Variants in SLC26A5 observed in about 807,000 individuals in gnomAD.
SLC26A5 encodes the protein solute carrier family 26 member 5, also known as prestin.
A neutral mutation model predicts 81.0 loss-of-function variants in SLC26A5; 51 were observed. That is an observed-to-expected ratio of 0.63 (90% CI 0.50 to 0.80). The LOEUF is 0.80. Ranked by LOEUF, SLC26A5 falls within the 30% of genes least tolerant of loss-of-function variation. SLC26A5 has a pLI of 0.00. For synonymous variants in SLC26A5, 325 were observed against 332.8 expected, an observed-to-expected ratio of 0.98 and a Z score of 0.25; for missense variants, 771 against 905.8, an observed-to-expected ratio of 0.85 and a Z score of 1.91.
At chr7:103,385,417 C>T (rs191740324) in intron 14 of SLC26A5, among the ~76,000 whole-genome samples, 21 of 152,104 alleles carry the variant, frequency 1.4e-4, no homozygotes, top group Admixed American at 9.2e-4. Flanking sequence ...TACAGCTGGC[C>T]GGGCCATGAT....
At chr7:103,375,858 C>T (rs546414668) in intron 19 of SLC26A5, among the ~76,000 whole-genome samples, 28 of 152,070 alleles carry the variant, frequency 1.8e-4, no homozygotes, top group Non-Finnish European at 2.6e-4. Flanking sequence ...TGGGTTCAAG[C>T]GATTCTCCTG....
intron 19 of SLC26A5, among the ~76,000 whole-genome samples, chr7:103,356,077 C>T (rs1350527987): frequency 6.6e-6 from 1 of 151,970 alleles, no homozygotes; most frequent in East Asian, 1.9e-4. Context: ...TTTCCTCAAA[C>T]GTAACTACTG....
At chr7:103,385,931 C>CTT (rs201817253) in intron 14 of SLC26A5, among the ~76,000 whole-genome samples, 5,387 of 144,428 alleles carry the variant, frequency 0.037, 317 homozygotes, top group African/African-American at 0.13. Context: ...TTTTTTCTTT[C>CTT]TTTCTTTTTT....
chr7:103,383,751 T>G (rs1329130520), intron 14 of SLC26A5, among the ~76,000 whole-genome samples: 1 of 152,210 alleles, frequency 6.6e-6, no homozygotes, highest in African/African-American at 2.4e-5. Flanking sequence ...CATGGCTCAC[T>G]GTAGCCTTGA....
At chr7:103,362,927 G>A (rs1820497797) in intron 19 of SLC26A5, among the ~76,000 whole-genome samples, 1 of 151,576 alleles carries the variant, frequency 6.6e-6, no homozygotes, top group Admixed American at 6.6e-5. Flanking sequence ...CCGAGTAGCT[G>A]GGATTACAGG....
intron 19 of SLC26A5, chr7:103,364,380 C>A: frequency 1.3e-6 from 2 of 1,535,732 alleles, no homozygotes; most frequent in Non-Finnish European, 1.8e-6. Flanking sequence ...AAAAATGGCA[C>A]TTCTGCATTG....
At chr7:103,394,095 T>A (rs999018637) in intron 9 of SLC26A5, among the ~76,000 whole-genome samples, 5 of 152,128 alleles carry the variant, frequency 3.3e-5, no homozygotes, top group African/African-American at 9.7e-5. Context: ...AACAAAACCA[T>A]AAAGAACCTG....
chr7:103,358,211 C>T (rs564577058), intron 19 of SLC26A5, among the ~76,000 whole-genome samples: 1 of 152,238 alleles, frequency 6.6e-6, no homozygotes, highest in East Asian at 1.9e-4. Context: ...CAGTGTTACT[C>T]TGAAGCCATT....
At position 103,374,373 on chromosome 7, in the gene SLC26A5, AC is replaced by A; in HGVS notation, c.*25del. 6.2e-7 allele frequency: 1 copy of A among 1,611,804 alleles called. No individual in the cohort carries two copies. The highest frequency in any genetic ancestry group is 8.5e-7 in the Non-Finnish European group (1 of 1,179,818). ...TTATGAACTTCATGAGAGGCTTATA[AC>A]CCCATCCTAGGGTGAGGTCCTCATC... On this transcript the variant is annotated 3_prime_UTR_variant, in exon 20 of 20. Coordinates refer to ENST00000306312, the MANE Select transcript of SLC26A5 (RefSeq NM_198999.3).
At chr7:103,357,769 G>A (rs984591024) in intron 19 of SLC26A5, among the ~76,000 whole-genome samples, 2 of 152,102 alleles carry the variant, frequency 1.3e-5, no homozygotes, top group East Asian at 3.8e-4. Flanking sequence ...ATAACGTCTT[G>A]TTTTTTCATT....
chr7:103,386,434 G>T (rs1250746116), intron 14 of SLC26A5, among the ~76,000 whole-genome samples: 1 of 151,858 alleles, frequency 6.6e-6, no homozygotes, highest in South Asian at 2.1e-4. Flanking sequence ...GGGCGTGGTG[G>T]CACGCGCCTG....
intron 8 of SLC26A5, among the ~76,000 whole-genome samples, chr7:103,405,327 C>T (rs1029384955): frequency 1.3e-5 from 2 of 152,118 alleles, no homozygotes; most frequent in Admixed American, 6.5e-5. Context: ...GATTTATCTA[C>T]CTTTGGTCTT....
At chr7:103,378,210 C>A (rs1017315154) in intron 17 of SLC26A5, among the ~76,000 whole-genome samples, 1 of 152,294 alleles carries the variant, frequency 6.6e-6, no homozygotes, top group South Asian at 2.1e-4. Flanking sequence ...ATGGTAAAAT[C>A]TGTTAAGGTA....
downstream of SLC26A5, among the ~76,000 whole-genome samples, chr7:103,370,925 A>T (rs942244314): frequency 6.6e-6 from 1 of 152,238 alleles, no homozygotes; most frequent in African/African-American, 2.4e-5. Flanking sequence ...TAGATTATGT[A>T]GATTATGCCC....
At chr7:103,380,685 A>G in intron 14 of SLC26A5, 136 bp from the exon 15 acceptor site, 1 of 757,246 alleles carries the variant, frequency 1.3e-6, no homozygotes, top group Non-Finnish European at 2.3e-6. Flanking sequence ...GTGCCTTTGC[A>G]GAAGGGCTCC....
intron 19 of SLC26A5, among the ~76,000 whole-genome samples, chr7:103,364,981 A>ATATATATATATATT (rs950613120): frequency 9.9e-4 from 140 of 140,788 alleles, no homozygotes; most frequent in African/African-American, 3.0e-3. Flanking sequence ...ATATATATAT[A>ATATATATATATATT]TATTTAGAGA....
intron 1 of SLC26A5, among the ~76,000 whole-genome samples, chr7:103,444,164 T>A (rs1053194859): frequency 1.1e-4 from 16 of 152,214 alleles, no homozygotes; most frequent in African/African-American, 3.4e-4. Flanking sequence ...TGGACTTACA[T>A]AAAATGTACT....
At position 103,411,404 on chromosome 7, in the gene SLC26A5, C is replaced by T. The variant is rs369136865; in HGVS notation, c.570+16G>A. On this transcript the variant is annotated intron_variant, in intron 6 of 19. Transcript: ENST00000306312. Reference sequence around the variant, plus strand: ...TAACAAACGAGACAGTCCATTTCCCCATCTTTGAGCCTTACCTGAATGATT... The same window carrying T: ...TAACAAACGAGACAGTCCATTTCCCTATCTTTGAGCCTTACCTGAATGATT... The T allele has an allele frequency of 4.3e-6, 7 of 1,613,816 alleles. No individual in the cohort carries two copies. The African/African-American group carries it at 5.3e-5, about 12-fold the overall frequency.
At chr7:103,430,245 A>AT (rs1359843062) in intron 2 of SLC26A5, among the ~76,000 whole-genome samples, 4 of 151,860 alleles carry the variant, frequency 2.6e-5, no homozygotes, top group African/African-American at 4.8e-5. Flanking sequence ...TACCTGGCTA[A>AT]TTTTTTTATT....
Sources: gnomAD v4.1 joint callset for allele counts (sites outside exome capture counted in the v4.1 genomes callset) on GRCh38, gnomAD v4.1.1 for gene constraint, MANE v1.5 for transcripts, NCBI Gene and HGNC (gene_info 2026-07-23, HGNC 2026-07-21) for gene names.